DORIP1: variants seen among roughly 807,000 people sequenced by gnomAD.
The protein encoded by DORIP1 is dopamine receptor interacting protein 1, also known as dopamine receptor-interacting protein 1.
chr14:44,904,100 T>C, the DORIP1 span: 1 of 985,356 alleles, frequency 1.0e-6, no homozygotes, highest in Non-Finnish European at 1.2e-6. Context: ...GAGTGAAATA[T>C]AAAAGCGTTT....
chr14:44,905,275 T>C, the DORIP1 span: 1 of 819,668 alleles, frequency 1.2e-6, no homozygotes. Flanking sequence ...ACAAACAATG[T>C]CAATGTTTTT....
the DORIP1 span, chr14:44,906,355 T>G: frequency 6.6e-6 from 1 of 152,122 alleles, no homozygotes; most frequent in Non-Finnish European, 1.5e-5. Flanking sequence ...AACTGGATGT[T>G]TACTAGTGTC....
chr14:44,900,992 T>C, the DORIP1 span: 13 of 1,530,086 alleles, frequency 8.5e-6, no homozygotes, highest in Non-Finnish European at 1.1e-5. Context: ...TTGTCACTTT[T>C]ACTTTTTTTA....
chr14:44,900,759 G>C, the DORIP1 span: 1 of 1,614,054 alleles, frequency 6.2e-7, no homozygotes, highest in Non-Finnish European at 8.5e-7. Flanking sequence ...AGCTACTTTG[G>C]ATTTGGGACA....
At chr14:44,903,824 T>C in the DORIP1 span, 9 of 984,798 alleles carry the variant, frequency 9.1e-6, no homozygotes, top group East Asian at 7.9e-4. Context: ...AACGAATATA[T>C]TGTAGCAACA....
chr14:44,899,550 CTT>C, the DORIP1 span, among the ~76,000 whole-genome samples: 1 of 151,512 alleles, frequency 6.6e-6, no homozygotes, highest in African/African-American at 2.4e-5. Flanking sequence ...CAGAATTAGT[CTT>C]AGTCTATATA....
At chr14:44,901,174 G>A in the DORIP1 span, among the ~76,000 whole-genome samples, 1 of 152,172 alleles carries the variant, frequency 6.6e-6, no homozygotes, top group Non-Finnish European at 1.5e-5. Context: ...ATTAAGTATA[G>A]TAACATGTTG....
chr14:44,900,050 C>T, the DORIP1 span, among the ~76,000 whole-genome samples: 1 of 151,946 alleles, frequency 6.6e-6, no homozygotes, highest in Admixed American at 6.5e-5. Flanking sequence ...AGGCTGGTCT[C>T]GAACGCCCGA....
the DORIP1 span, chr14:44,905,712 G>C: frequency 2.3e-6 from 1 of 427,134 alleles, no homozygotes; most frequent in Non-Finnish European, 4.0e-6. Context: ...TTATATAGAG[G>C]ATCTGTGCAA....
chr14:44,897,319 C>G, the DORIP1 span: 2 of 153,490 alleles, frequency 1.3e-5, no homozygotes, highest in African/African-American at 2.4e-5. Flanking sequence ...GCGACGTGTC[C>G]CACTGTCCTG....
At chr14:44,903,467 G>C in the DORIP1 span, 2 of 1,291,448 alleles carry the variant, frequency 1.5e-6, no homozygotes, top group Non-Finnish European at 2.0e-6. Context: ...TACTACAGCT[G>C]ATTGATGAAT....
chr14:44,900,950 T>C, the DORIP1 span: 1 of 1,571,436 alleles, frequency 6.4e-7, no homozygotes, highest in Non-Finnish European at 8.6e-7. Context: ...CAGCGCACAA[T>C]TAATATAAAG....
chr14:44,904,395 G>C, the DORIP1 span: 1 of 1,609,948 alleles, frequency 6.2e-7, no homozygotes, highest in Non-Finnish European at 8.5e-7. Flanking sequence ...TCTATTTTAG[G>C]TGTGGTGGCT....
the DORIP1 span, chr14:44,906,365 C>T: frequency 3.9e-5 from 6 of 152,102 alleles, no homozygotes; most frequent in East Asian, 3.9e-4. Context: ...TTACTAGTGT[C>T]GGACTAGCAA....
chr14:44,905,157 G>C, the DORIP1 span: 1 of 380,344 alleles, frequency 2.6e-6, no homozygotes. Context: ...AAACATACAG[G>C]TTATAAGTTC....
the DORIP1 span, among the ~76,000 whole-genome samples, chr14:44,897,989 C>T: frequency 6.6e-6 from 1 of 152,164 alleles, no homozygotes; most frequent in Admixed American, 6.5e-5. Flanking sequence ...GGGGTCCTCA[C>T]GGCTAGCTTG....
the DORIP1 span, chr14:44,904,677 A>T: frequency 7.9e-6 from 7 of 888,808 alleles, no homozygotes; most frequent in Non-Finnish European, 1.1e-5. Flanking sequence ...ATCAGAATTT[A>T]TTACAGAGAG....
chr14:44,905,638 G>A, the DORIP1 span: 3 of 962,396 alleles, frequency 3.1e-6, no homozygotes, highest in Non-Finnish European at 4.4e-6. Flanking sequence ...TGGTATCCAA[G>A]AAAATAGTTC....
chr14:44,904,889 T>G, the DORIP1 span: 1 of 181,640 alleles, frequency 5.5e-6, no homozygotes, highest in African/African-American at 2.4e-5. Flanking sequence ...AAGCACATAC[T>G]AAGTGTTTAA....
Sources: allele counts gnomAD v4.1 joint callset (sites outside exome capture counted in the v4.1 genomes callset), GRCh38; gene constraint gnomAD v4.1.1; transcripts MANE v1.5; gene names NCBI Gene and HGNC (gene_info 2026-07-23, HGNC 2026-07-21).